ABLIM2: variants seen among roughly 807,000 people sequenced by gnomAD.
ABLIM2 encodes actin-binding LIM protein 2.
ABLIM2 carries 53 observed loss-of-function variants against 97.7 expected under a neutral mutation model. The ratio of observed to expected loss-of-function variants is 0.54; its 90% CI spans 0.44 to 0.68. The LOEUF (loss-of-function observed/expected upper bound fraction) is 0.68, where lower values mean the gene tolerates loss of function less well. ABLIM2 is among the 30% of genes least tolerant of loss of function. The pLI, the probability that ABLIM2 is intolerant of heterozygous loss-of-function variation, is 0.00. For synonymous variants in ABLIM2, 361 were observed against 345.8 expected, an observed-to-expected ratio of 1.04 and a Z score of -0.49; for missense variants, 835 against 867.2, an observed-to-expected ratio of 0.96 and a Z score of 0.47.
chr4:8,056,921 A>G (rs536106577), intron 7 of ABLIM2, among the ~76,000 whole-genome samples: 8 of 132,406 alleles, frequency 6.0e-5, no homozygotes, highest in African/African-American at 2.2e-4. Context: ...GACAGAGCGA[A>G]ACTCCGTCTC....
chr4:8,006,179 C>G (rs966710653), intron 16 of ABLIM2, among the ~76,000 whole-genome samples: 1 of 152,224 alleles, frequency 6.6e-6, no homozygotes, highest in Admixed American at 6.5e-5. Context: ...GGAAGCAGTG[C>G]ACGAGGTGAA....
rs1760950658 is a variant in ABLIM2, at chr4:8,005,874, T to C, written c.1618+2185A>G. On this transcript the variant is annotated intron_variant, in intron 16 of 20. Coordinates refer to ENST00000447017, the MANE Select transcript of ABLIM2 (RefSeq NM_001130083.2). The surrounding 1 kb of genome is among the most constrained non-coding windows in gnomAD (Gnocchi z 4.9). ...GCCAGGGGAAGGACACATATGTCTG[T>C]GCTGGAGCAGAATCTCCCCGGGGAA... Among the ~76,000 whole-genome samples, 1 of 152,202 alleles carries C rather than the reference T, an allele frequency of 6.6e-6. No homozygotes were observed. The highest frequency in any genetic ancestry group is 2.1e-4 in the South Asian group (1 of 4,820).
intron 3 of ABLIM2, among the ~76,000 whole-genome samples, chr4:8,096,798 A>G (rs1831849935): frequency 6.6e-6 from 1 of 152,198 alleles, no homozygotes; most frequent in South Asian, 2.1e-4. Flanking sequence ...GGGCCGGTGC[A>G]GTCCTGTTGC....
Position 7,998,008 on chromosome 4 carries a change from A to C in ABLIM2, c.1619-5081T>G, listed in dbSNP as rs1754536398. Among the ~76,000 whole-genome samples, 1 of 151,396 alleles carries C rather than the reference A, an allele frequency of 6.6e-6. No individual in the cohort carries two copies. Among genetic ancestry groups the C allele is most frequent in the African/African-American group, 2.4e-5 (1 of 41,106 alleles). ...GTGACTCTCCTGCCTCACCCTCCCT[A>C]GTAGCTGGGATTACAGGAATGTGCC... On this transcript the variant is annotated intron_variant, in intron 16 of 20. Coordinates refer to ENST00000447017, the MANE Select transcript of ABLIM2 (RefSeq NM_001130083.2). This position sits in a 1 kb window ranked among gnomAD's most constrained non-coding sequence, Gnocchi z 6.4.
chr4:8,152,798 G>A (rs1339092771), intron 1 of ABLIM2, among the ~76,000 whole-genome samples: 2 of 152,206 alleles, frequency 1.3e-5, no homozygotes, highest in Non-Finnish European at 2.9e-5. Context: ...CCACGTGCCA[G>A]GCAGAGACTG....
Position 7,984,986 on chromosome 4 carries a change from G to A in ABLIM2, c.1681-93C>T, listed in dbSNP as rs143178728. 32 of 1,357,934 alleles carry A rather than the reference G, an allele frequency of 2.4e-5. No homozygotes were observed. The African/African-American group carries it at 2.9e-4, about 12-fold the overall frequency. 84.1% of individuals were successfully genotyped at this position (1,357,934 alleles called of 1,614,324 possible). ...CAGGAGATGTGGCCCCTTGGAGGCC[G>A]AGGTCCTCGTGCTGCCTGGGGAGTA... On this transcript the variant is annotated intron_variant, in intron 17 of 20. Coordinates refer to ENST00000447017, the MANE Select transcript of ABLIM2 (RefSeq NM_001130083.2).
Position 8,123,501 on chromosome 4 carries a change from A to G in ABLIM2, c.11-16864T>C, listed in dbSNP as rs970676968. Among the ~76,000 whole-genome samples the G allele has an allele frequency of 2.0e-5, 3 of 152,030 alleles. No individual in the cohort carries two copies. Among genetic ancestry groups the G allele is most frequent in the Non-Finnish European group, 4.4e-5 (3 of 67,996 alleles). On this transcript the variant is annotated intron_variant, in intron 1 of 20. Coordinates refer to ENST00000447017, the MANE Select transcript of ABLIM2 (RefSeq NM_001130083.2). The surrounding 1 kb of genome is among the most constrained non-coding windows in gnomAD (Gnocchi z 6.2). ...TTCTCCTGATCTGCTGATTCAAGGGAGGCTGGTGTGAGGGAAGCATTTCCG... is the reference window on the plus strand; with the variant it reads ...TTCTCCTGATCTGCTGATTCAAGGGGGGCTGGTGTGAGGGAAGCATTTCCG...
intron 6 of ABLIM2, among the ~76,000 whole-genome samples, chr4:8,064,880 C>T (rs1300992140): frequency 6.6e-6 from 1 of 152,192 alleles, no homozygotes; most frequent in Non-Finnish European, 1.5e-5. Context: ...TCACGCACCC[C>T]TCTGTGTGTA....
At chr4:7,985,501 C>T (rs573235406) in intron 17 of ABLIM2, among the ~76,000 whole-genome samples, 10 of 152,248 alleles carry the variant, frequency 6.6e-5, no homozygotes, top group Admixed American at 2.6e-4. Flanking sequence ...GCTACGCGGA[C>T]GCACGTGGCT....
At position 8,112,183 on chromosome 4, in the gene ABLIM2, C is replaced by T. The variant is rs542212082; in HGVS notation, c.11-5546G>A. ...AATGATTGCTGGTGTCGTTAACACA[C>T]AACCTTCACAACAAAGGGACGTGGC... On this transcript the variant is annotated intron_variant, in intron 1 of 20. Transcript: ENST00000447017. The surrounding 1 kb of genome is among the most constrained non-coding windows in gnomAD (Gnocchi z 4.2). Among the ~76,000 whole-genome samples the T allele has an allele frequency of 2.0e-5, 3 of 152,312 alleles. No individual in the cohort carries two copies. The East Asian group carries it at 5.8e-4, about 29-fold the overall frequency.
chr4:7,971,530 T>C (rs1252092582), intron 20 of ABLIM2, among the ~76,000 whole-genome samples: 1 of 152,138 alleles, frequency 6.6e-6, no homozygotes, highest in African/African-American at 2.4e-5. Flanking sequence ...TTGTGTGACT[T>C]GCCCAAGGTC....
At chr4:8,131,663 TCCCGCATCCCTGAGCACAGCAG>T (rs1375826721) in intron 1 of ABLIM2, among the ~76,000 whole-genome samples, 2 of 62,286 alleles carry the variant, frequency 3.2e-5, no homozygotes, top group African/African-American at 5.7e-5. Context: ...CAGCACAGCA[TCCCGCATCCCTGAGCACAGCAG>T]CCCGCATCCC....
chr4:8,141,228 T>C (rs1850939930), intron 1 of ABLIM2, among the ~76,000 whole-genome samples: 1 of 151,956 alleles, frequency 6.6e-6, no homozygotes, highest in Admixed American at 6.6e-5. Flanking sequence ...CTAAGAATTC[T>C]GGAATCACTC....
intron 6 of ABLIM2, among the ~76,000 whole-genome samples, chr4:8,063,494 A>T (rs1804821142): frequency 6.6e-6 from 1 of 152,246 alleles, no homozygotes; most frequent in African/African-American, 2.4e-5. Flanking sequence ...TGCTATGGGT[A>T]TATTATTACT....
chr4:8,022,815 C>T lies in ABLIM2; in HGVS notation c.1268-2512G>A, dbSNP rs1774688010. 6.6e-6 allele frequency: 1 copy of T among 152,436 alleles called. No homozygotes were observed. The highest frequency in any genetic ancestry group is 2.4e-5 in the African/African-American group (1 of 41,468). The allele number at this position is 152,436 out of a possible 1,614,324, so 9.4% of individuals were successfully genotyped here. On this transcript the variant is annotated intron_variant, in intron 12 of 20. Transcript: ENST00000447017. This position sits in a 1 kb window ranked among gnomAD's most constrained non-coding sequence, Gnocchi z 7.8. ...ATCCCAGGGGGCTTCTGATATGCTA[C>T]AGACGGGGATGCTTCAGCATCCTTT... is the stretch of plus-strand genomic sequence containing the variant.
chr4:8,056,305 C>CTTT lies in ABLIM2; in HGVS notation c.764-2062_764-2060dup, dbSNP rs71175456. Among the ~76,000 whole-genome samples the CTTT allele has an allele frequency of 2.1e-3, 270 of 128,186 alleles. 3 individuals are homozygous for CTTT. The highest frequency in any genetic ancestry group is 7.5e-3 in the African/African-American group (257 of 34,252). The allele number at this position is 128,186 out of a possible 152,430, so 84.1% of individuals were successfully genotyped here. A position where few individuals can be genotyped will look rare whatever the true frequency, so the allele number is the denominator to read the frequency against. ...TACACAGTTTCTTCTTTCTTTCTTT[C>CTTT]TTTTTTTTTTTTTTTTTGAGACAGG... On this transcript the variant is annotated intron_variant, in intron 7 of 20. Transcript: ENST00000447017.
At chr4:7,976,829 ACACACATG>A (rs1255398994) in intron 20 of ABLIM2, among the ~76,000 whole-genome samples, 1 of 152,144 alleles carries the variant, frequency 6.6e-6, no homozygotes, top group African/African-American at 2.4e-5. Context: ...AGACGCACAT[ACACACATG>A]CACACACATA....
intron 2 of ABLIM2, 32 bp from the exon 3 acceptor site, chr4:8,097,314 G>C (rs1024639003): frequency 6.5e-7 from 1 of 1,548,596 alleles, no homozygotes; most frequent in African/African-American, 1.4e-5. Flanking sequence ...GGCGTTAGCG[G>C]CAGAGGGGAC....
intron 1 of ABLIM2, among the ~76,000 whole-genome samples, chr4:8,121,634 G>A (rs1255281091): frequency 1.3e-5 from 2 of 152,216 alleles, no homozygotes; most frequent in Non-Finnish European, 2.9e-5. Flanking sequence ...CCAGCCCAGG[G>A]CTTGTCCCCC....
Sources: gnomAD v4.1 joint callset for allele counts (sites outside exome capture counted in the v4.1 genomes callset) on GRCh38, gnomAD v4.1.1 for gene constraint, Gnocchi (gnomAD v3.1) non-coding constraint, MANE v1.5 for transcripts, NCBI Gene and HGNC (gene_info 2026-07-23, HGNC 2026-07-21) for gene names.